LPP: variants seen among roughly 807,000 people sequenced by gnomAD.
LPP encodes LIM domain containing preferred translocation partner in lipoma, also known as lipoma-preferred partner.
A neutral mutation model predicts 60.4 loss-of-function variants in LPP; 38 were observed. The ratio of observed to expected loss-of-function variants is 0.63; its 90% CI spans 0.49 to 0.83. The LOEUF (loss-of-function observed/expected upper bound fraction) is 0.83, where lower values mean the gene tolerates loss of function less well. Among genes scored for constraint, LPP ranks in the 40% least tolerant of loss-of-function variants. The pLI is 0.00. For missense variants in LPP, 902 were observed against 783.6 expected, an observed-to-expected ratio of 1.15 and a Z score of -1.80; for synonymous variants, 328 against 290.8, an observed-to-expected ratio of 1.13 and a Z score of -1.30.
chr3:188,712,022 G>A (rs916243012), intron 8 of LPP: 1 of 152,164 alleles, frequency 6.6e-6, no homozygotes, highest in African/African-American at 2.4e-5. Context: ...GTGAGAAGTA[G>A]CAAATATTGG....
At chr3:188,432,150 G>C (rs1791054300) in intron 4 of LPP, among the ~76,000 whole-genome samples, 1 of 152,034 alleles carries the variant, frequency 6.6e-6, no homozygotes. Flanking sequence ...ATGAAATTAA[G>C]GCTCAGAGAG....
At chr3:188,498,814 A>G (rs898862354) in intron 5 of LPP, among the ~76,000 whole-genome samples, 1 of 152,122 alleles carries the variant, frequency 6.6e-6, no homozygotes, top group African/African-American at 2.4e-5. Flanking sequence ...CCTTGCCGAC[A>G]CTGTTTTTTG....
intron 8 of LPP, among the ~76,000 whole-genome samples, chr3:188,714,429 C>T (rs114338915): frequency 0.013 from 2,027 of 152,214 alleles, 38 homozygotes; most frequent in South Asian, 0.073. Flanking sequence ...TTAGGAAGAC[C>T]GTCTACCGAA....
chr3:188,589,858 G>A (rs1174791038), intron 6 of LPP, among the ~76,000 whole-genome samples: 1 of 152,172 alleles, frequency 6.6e-6, no homozygotes, highest in Non-Finnish European at 1.5e-5. Flanking sequence ...CCTGAAATGT[G>A]TAGCTTGTGT....
chr3:188,378,769 T>A (rs998917851), intron 3 of LPP, among the ~76,000 whole-genome samples: 1 of 152,118 alleles, frequency 6.6e-6, no homozygotes, highest in African/African-American at 2.4e-5. Context: ...GGTACCTCAG[T>A]TGGAAATGCA....
At chr3:188,231,254 C>T (rs73057669) in intron 2 of LPP, among the ~76,000 whole-genome samples, 2,579 of 152,236 alleles carry the variant, frequency 0.017, 66 homozygotes, top group African/African-American at 0.056. Flanking sequence ...TGGAGTTACA[C>T]GGAACCATCT....
chr3:188,174,062 G>A (rs1401775466), intron 1 of LPP, among the ~76,000 whole-genome samples: 1 of 152,120 alleles, frequency 6.6e-6, no homozygotes, highest in Non-Finnish European at 1.5e-5. Flanking sequence ...AGCACAGCCT[G>A]GAACGTAGTA....
intron 6 of LPP, among the ~76,000 whole-genome samples, chr3:188,602,246 T>C (rs887402933): frequency 6.9e-6 from 1 of 144,262 alleles, no homozygotes; most frequent in Non-Finnish European, 1.5e-5. Context: ...ATCAAGTGGA[T>C]AGTGTAAGTG....
At chr3:188,399,061 A>T (rs534672540) in intron 3 of LPP, among the ~76,000 whole-genome samples, 21 of 152,384 alleles carry the variant, frequency 1.4e-4, no homozygotes, top group African/African-American at 4.8e-4. Flanking sequence ...TCATAGACTC[A>T]TAAAAGCTTG....
intron 4 of LPP, among the ~76,000 whole-genome samples, chr3:188,444,370 A>T (rs2149287263): frequency 6.7e-6 from 1 of 150,016 alleles, no homozygotes; most frequent in South Asian, 2.1e-4. Context: ...TACCTTTAGC[A>T]ATGCCTTTAA....
chr3:188,670,272 T>A (rs1377478823), intron 7 of LPP, among the ~76,000 whole-genome samples: 1 of 152,074 alleles, frequency 6.6e-6, no homozygotes, highest in East Asian at 1.9e-4. Flanking sequence ...ATAAATTAAT[T>A]AGTTAATTAA....
intron 2 of LPP, among the ~76,000 whole-genome samples, chr3:188,226,368 G>A (rs1053749854): frequency 6.6e-6 from 1 of 152,168 alleles, no homozygotes; most frequent in Non-Finnish European, 1.5e-5. Flanking sequence ...TTAGGCAAAG[G>A]GTGTGAGCCT....
intron 1 of LPP, chr3:188,179,855 T>C: frequency 3.8e-6 from 1 of 261,090 alleles, no homozygotes; most frequent in South Asian, 4.0e-5. Flanking sequence ...TAATGGCACC[T>C]TGAGGCCTTG....
At chr3:188,681,961 G>C (rs1009797647) in intron 7 of LPP, among the ~76,000 whole-genome samples, 1 of 152,176 alleles carries the variant, frequency 6.6e-6, no homozygotes, top group Non-Finnish European at 1.5e-5. Context: ...CCAGCACCTT[G>C]AACAGCACCT....
chr3:188,696,243 G>C (rs201123070), intron 7 of LPP, among the ~76,000 whole-genome samples: 1 of 121,236 alleles, frequency 8.2e-6, no homozygotes, highest in Admixed American at 8.7e-5. Context: ...CTCTCTCTCT[G>C]TCTCTCTTAA....
At chr3:188,470,988 G>A (rs1026670039) in intron 4 of LPP, among the ~76,000 whole-genome samples, 2 of 152,182 alleles carry the variant, frequency 1.3e-5, no homozygotes, top group African/African-American at 4.8e-5. Flanking sequence ...CATCCAGTTA[G>A]AGGATTCCTC....
At chr3:188,452,810 G>A (rs1333701017) in intron 4 of LPP, among the ~76,000 whole-genome samples, 2 of 152,146 alleles carry the variant, frequency 1.3e-5, no homozygotes, top group African/African-American at 4.8e-5. Flanking sequence ...GTCTTGTTTC[G>A]ATGGAGTTAT....
chr3:188,716,370 A>G (rs771878981), intron 8 of LPP, among the ~76,000 whole-genome samples: 1 of 152,244 alleles, frequency 6.6e-6, no homozygotes, highest in Non-Finnish European at 1.5e-5. Flanking sequence ...TATCAACTCA[A>G]TTAAGATGAA....
chr3:188,357,225 A>G (rs1049672111), intron 3 of LPP, among the ~76,000 whole-genome samples: 2 of 152,230 alleles, frequency 1.3e-5, no homozygotes, highest in African/African-American at 4.8e-5. Context: ...AAAAAATCAA[A>G]TTGAAGAAAA....
Sources: gnomAD v4.1 joint callset for allele counts (sites outside exome capture counted in the v4.1 genomes callset) on GRCh38, gnomAD v4.1.1 for gene constraint, MANE v1.5 for transcripts, NCBI Gene and HGNC (gene_info 2026-07-23, HGNC 2026-07-21) for gene names.